The following STRADA variants were observed in gnomAD, a reference collection of about 807,000 sequenced individuals.
STRADA encodes the protein STE20-related kinase adapter protein alpha.
In STRADA, 26 loss-of-function variants were observed where a neutral mutation model predicts 55.0. That is an observed-to-expected ratio of 0.47 (90% CI 0.35 to 0.66). STRADA has a LOEUF of 0.66. Among genes scored for constraint, STRADA ranks in the 30% least tolerant of loss-of-function variants. The pLI, the probability that STRADA is intolerant of heterozygous loss-of-function variation, is 0.01. For synonymous variants in STRADA, 197 were observed against 210.9 expected, an observed-to-expected ratio of 0.93 and a Z score of 0.57; for missense variants, 443 against 549.7, an observed-to-expected ratio of 0.81 and a Z score of 1.94.
At chr17:63,705,023 C>CA in intron 10 of STRADA, 1 of 1,059,170 alleles carries the variant, frequency 9.4e-7, no homozygotes, top group Non-Finnish European at 1.4e-6. Context: ...CCTGGGCTGT[C>CA]GCTGCAGCAG....
intron 9 of STRADA, 132 bp downstream of exon 9, chr17:63,707,115 G>A (rs1454777286): frequency 2.6e-6 from 3 of 1,170,118 alleles, no homozygotes; most frequent in Non-Finnish European, 3.6e-6. Flanking sequence ...TGCCCACGCT[G>A]AGGGCTCCCT....
chr17:63,722,812 A>G (rs191826168), intron 4 of STRADA, among the ~76,000 whole-genome samples: 1 of 152,232 alleles, frequency 6.6e-6, no homozygotes. Flanking sequence ...CAATGAAAAA[A>G]GTAAATGTTC....
At chr17:63,705,332 GACA>G (rs1673177145) in intron 10 of STRADA, 1 of 219,380 alleles carries the variant, frequency 4.6e-6, no homozygotes, top group Non-Finnish European at 9.2e-6. Context: ...TCCCACGCTA[GACA>G]GTGCAGCCAC....
At chr17:63,732,318 T>C (rs1446360612) in intron 1 of STRADA, among the ~76,000 whole-genome samples, 1 of 152,050 alleles carries the variant, frequency 6.6e-6, no homozygotes, top group Non-Finnish European at 1.5e-5. Context: ...AGTGGCATAT[T>C]AAAAACCATT....
At chr17:63,730,185 C>T (rs1438265670) in intron 1 of STRADA, among the ~76,000 whole-genome samples, 1 of 152,066 alleles carries the variant, frequency 6.6e-6, no homozygotes. Flanking sequence ...TTAATAACTG[C>T]CTCATTTGTT....
Position 63,707,300 on chromosome 17 carries a change from GA to G in STRADA, c.699del (p.Lys235SerfsTer55). On this transcript the variant is annotated frameshift_variant, in exon 9 of 13. Coordinates refer to ENST00000336174, the MANE Select transcript of STRADA (RefSeq NM_001003787.4). LOFTEE classifies it high-confidence loss of function. ...GGCAGAACCTTGACACTGTACTTGGGAAAATCGTGGACCACTCGCTGCCGCT... is the reference window on the plus strand; with the variant it reads ...GGCAGAACCTTGACACTGTACTTGGGAAATCGTGGACCACTCGCTGCCGCT... Reference protein sequence around the residue: ...HGQRQRVVHDFPKYSVKVLPW... With the variant: ...HGQRQRVVHDXPKYSVKVLPW... The G allele has an allele frequency of 6.2e-7, 1 of 1,614,180 alleles. No homozygotes were observed.
At chr17:63,704,185 G>C in intron 11 of STRADA, 138 bp from the exon 12 acceptor site, 1 of 1,520,850 alleles carries the variant, frequency 6.6e-7, no homozygotes, top group South Asian at 1.3e-5. Flanking sequence ...GAGCTCCCCA[G>C]GCTGGCCTCT....
At chr17:63,732,993 T>G (rs2038176179) in intron 1 of STRADA, among the ~76,000 whole-genome samples, 1 of 152,186 alleles carries the variant, frequency 6.6e-6, no homozygotes. Flanking sequence ...GTTCATGCGA[T>G]TCTCCTGCCT....
intron 6 of STRADA, among the ~76,000 whole-genome samples, chr17:63,713,115 C>G (rs1398019179): frequency 6.6e-6 from 1 of 152,112 alleles, no homozygotes; most frequent in African/African-American, 2.4e-5. Context: ...ACAAGATGGC[C>G]TGGGTTTGAA....
intron 2 of STRADA, chr17:63,728,115 T>A: frequency 2.0e-6 from 1 of 499,400 alleles, no homozygotes; most frequent in Non-Finnish European, 3.6e-6. Context: ...TTATTTCTTC[T>A]CTATCAGACA....
chr17:63,707,393 T>G lies in STRADA; in HGVS notation c.607A>C (p.Ile203Leu), dbSNP rs2143787111. ...HRSVKASHIL[I>L]SVDGKVYLSG... ...AGGTAGACCTTCCCATCCACAGAGA[T>G]CAGGATGTGGCTGGCTTTGACACTC... is the stretch of plus-strand genomic sequence containing the variant. Residue 203 changes from isoleucine to leucine, a missense_variant, in exon 9 of 13, where the codon ATC becomes CTC. Physicochemically the swap from Ile to Leu is conservative, Grantham distance 5. Coordinates refer to ENST00000336174, the MANE Select transcript of STRADA (RefSeq NM_001003787.4). 6.2e-7 allele frequency: 1 copy of G among 1,614,042 alleles called. No homozygotes were observed. The highest frequency in any genetic ancestry group is 1.3e-5 in the African/African-American group (1 of 75,018).
chr17:63,707,540 G>A, intron 8 of STRADA, 122 bp from the exon 9 acceptor site: 1 of 837,486 alleles, frequency 1.2e-6, no homozygotes, highest in Non-Finnish European at 1.9e-6. Context: ...ACGTATATGT[G>A]TATTTTACAT....
chr17:63,736,597 C>T (rs1341463724), intron 1 of STRADA, among the ~76,000 whole-genome samples: 4 of 151,062 alleles, frequency 2.6e-5, no homozygotes, highest in Admixed American at 6.6e-5. Context: ...CATTGCACTC[C>T]AGCCTGGGTG....
At chr17:63,730,707 C>A (rs2037979087) in intron 1 of STRADA, among the ~76,000 whole-genome samples, 1 of 151,970 alleles carries the variant, frequency 6.6e-6, no homozygotes, top group South Asian at 2.1e-4. Flanking sequence ...TAGGTACGCG[C>A]ACCACTACAC....
In STRADA at chr17:63,704,602, G is replaced by T; in HGVS notation, c.859-20C>A. The T allele has an allele frequency of 7.4e-7, 1 of 1,358,928 alleles. No homozygotes were observed. Among genetic ancestry groups the T allele is most frequent in the Non-Finnish European group, 9.6e-7 (1 of 1,042,774 alleles). The allele number at this position is 1,358,928 out of a possible 1,614,324, so 84.2% of individuals were successfully genotyped here. A position where few individuals can be genotyped will look rare whatever the true frequency, so the allele number is the denominator to read the frequency against. ...CAGCATCTGGGGAGGACAGAACCAG[G>T]ACCTGGGCTGTAGCGGGTGGGGGGG... On this transcript the variant is annotated intron_variant, in intron 10 of 12. Transcript: ENST00000336174.
chr17:63,731,869 CTTTT>C (rs1568218838), intron 1 of STRADA, among the ~76,000 whole-genome samples: 2 of 151,928 alleles, frequency 1.3e-5, no homozygotes, highest in South Asian at 2.1e-4. Flanking sequence ...TTCTTTCTTT[CTTTT>C]GTTTTTTATG....
intron 4 of STRADA, among the ~76,000 whole-genome samples, chr17:63,718,255 G>GA: frequency 6.6e-6 from 1 of 152,118 alleles, no homozygotes; most frequent in Non-Finnish European, 1.5e-5. Flanking sequence ...CTCATCTTCA[G>GA]AATCATCTTA....
intron 8 of STRADA, chr17:63,710,261 A>G (rs974210741): frequency 1.9e-6 from 1 of 514,012 alleles, no homozygotes; most frequent in South Asian, 2.3e-5. Context: ...CTGGTCTCAA[A>G]CTCCTGACCT....
chr17:63,741,970 G>GA (rs1491444534), upstream of STRADA: 1 of 152,230 alleles, frequency 6.6e-6, no homozygotes, highest in Non-Finnish European at 1.5e-5. Context: ...CCGCCGCGCC[G>GA]AGAGCGGTTC....
Sources: allele counts gnomAD v4.1 joint callset (sites outside exome capture counted in the v4.1 genomes callset), GRCh38; gene constraint gnomAD v4.1.1; transcripts MANE v1.5; gene names NCBI Gene and HGNC (gene_info 2026-07-23, HGNC 2026-07-21).